PRKCA: variants seen among roughly 807,000 people sequenced by gnomAD.
The protein encoded by PRKCA is protein kinase C alpha.
PRKCA carries 27 observed loss-of-function variants against 87.0 expected under a neutral mutation model. The observed-to-expected ratio is 0.31, with a 90% CI of 0.23 to 0.43. PRKCA has a LOEUF of 0.43. PRKCA is among the 20% of genes least tolerant of loss of function. The probability of loss-of-function intolerance (pLI) is 1.00; values close to 1 mark genes in which losing one functional copy is unlikely to be tolerated. For synonymous variants in PRKCA, 329 were observed against 311.1 expected (o/e 1.06, Z -0.61); for missense variants, 518 against 852.3 (o/e 0.61, Z 4.88).
chr17:66,389,049 C>A (rs1282617233), intron 2 of PRKCA, among the ~76,000 whole-genome samples: 1 of 152,134 alleles, frequency 6.6e-6, no homozygotes, highest in Non-Finnish European at 1.5e-5. Context: ...ATGGGAACAT[C>A]GTGATTCTGT....
rs571685581 is a variant in PRKCA, at chr17:66,779,594, G to A, written c.1605+5527G>A. Among the ~76,000 whole-genome samples, 12 of 152,216 alleles carry A rather than the reference G, an allele frequency of 7.9e-5. No individual in the cohort carries two copies. The South Asian group carries it at 1.2e-3, about 16-fold the overall frequency. On this transcript the variant is annotated intron_variant, in intron 14 of 16. Transcript: ENST00000413366. ...AGGTTTCCGTGATTTGCAAATAAGCGTGGCCTCCATGACCACTTCCTAGCT... is the reference window on the plus strand; with the variant it reads ...AGGTTTCCGTGATTTGCAAATAAGCATGGCCTCCATGACCACTTCCTAGCT...
intron 13 of PRKCA, among the ~76,000 whole-genome samples, chr17:66,744,344 A>G (rs1299829553): frequency 6.6e-6 from 1 of 152,230 alleles, no homozygotes; most frequent in African/African-American, 2.4e-5. Context: ...TTTATTCTGA[A>G]GCCTGTTACT....
At chr17:66,473,816 C>G (rs562430470) in intron 2 of PRKCA, among the ~76,000 whole-genome samples, 1 of 152,110 alleles carries the variant, frequency 6.6e-6, no homozygotes, top group Non-Finnish European at 1.5e-5. Flanking sequence ...TGCCTGTAAT[C>G]CTAGCTACTC....
intron 2 of PRKCA, among the ~76,000 whole-genome samples, chr17:66,373,100 C>T (rs1356608555): frequency 2.0e-5 from 3 of 151,938 alleles, no homozygotes; most frequent in Non-Finnish European, 4.4e-5. Flanking sequence ...ATTTATGGCT[C>T]ACATGCATAA....
intron 2 of PRKCA, among the ~76,000 whole-genome samples, chr17:66,489,234 C>A (rs1916111735): frequency 6.6e-6 from 1 of 151,574 alleles, no homozygotes; most frequent in Non-Finnish European, 1.5e-5. Flanking sequence ...TAGGGAATTT[C>A]TATGCCTGTG....
rs561008011 is a variant in PRKCA at position 66,484,701 on chromosome 17, A to G, written c.206-11500A>G. ...TATCTGGAAAAGCAGAGAGAATAGT[A>G]TAATAAAAACCATATACTCTTCTTG... is the stretch of plus-strand genomic sequence containing the variant. On this transcript the variant is annotated intron_variant, in intron 2 of 16. Coordinates refer to ENST00000413366, the MANE Select transcript of PRKCA (RefSeq NM_002737.3). Among the ~76,000 whole-genome samples the G allele has an allele frequency of 3.0e-4, 45 of 152,346 alleles. No homozygotes were observed. In the South Asian group the frequency reaches 3.7e-3, roughly 13 times the overall value.
intron 3 of PRKCA, among the ~76,000 whole-genome samples, chr17:66,564,453 G>A (rs960706899): frequency 1.3e-5 from 2 of 152,098 alleles, no homozygotes; most frequent in Non-Finnish European, 2.9e-5. Flanking sequence ...CTGTTGGGTG[G>A]TGCTTCTGGG....
At chr17:66,510,392 C>T (rs1917172362) in intron 3 of PRKCA, among the ~76,000 whole-genome samples, 1 of 152,146 alleles carries the variant, frequency 6.6e-6, no homozygotes, top group African/African-American at 2.4e-5. Context: ...ATCTCTTAAC[C>T]TCATGAGCAT....
chr17:66,386,623 T>A (rs140545598), intron 2 of PRKCA, among the ~76,000 whole-genome samples: 84 of 152,334 alleles, frequency 5.5e-4, no homozygotes, highest in African/African-American at 2.0e-3. Flanking sequence ...TGGCTGCCTG[T>A]GCCTTTGCAC....
intron 15 of PRKCA, 179 bp downstream of exon 15, chr17:66,787,153 C>T (rs781187722): frequency 1.3e-6 from 1 of 771,720 alleles, no homozygotes; most frequent in South Asian, 1.4e-5. Context: ...CAACTTTGGA[C>T]AGCATGGATT....
At chr17:66,524,929 A>G (rs1281363221) in intron 3 of PRKCA, among the ~76,000 whole-genome samples, 1 of 152,238 alleles carries the variant, frequency 6.6e-6, no homozygotes, top group Non-Finnish European at 1.5e-5. Flanking sequence ...TATATTGCAA[A>G]GAATAGCCAC....
intron 2 of PRKCA, among the ~76,000 whole-genome samples, chr17:66,476,201 A>G (rs561167913): frequency 6.6e-6 from 1 of 152,004 alleles, no homozygotes; most frequent in Non-Finnish European, 1.5e-5. Flanking sequence ...TGCCCAGCCA[A>G]TTTTCTTCTA....
At chr17:66,793,318 G>C (rs893733223) in intron 16 of PRKCA, among the ~76,000 whole-genome samples, 3 of 152,084 alleles carry the variant, frequency 2.0e-5, no homozygotes, top group African/African-American at 7.2e-5. Flanking sequence ...GGCCAGGCGT[G>C]GTGGCTCACG....
intron 3 of PRKCA, among the ~76,000 whole-genome samples, chr17:66,622,823 C>T (rs1970726362): frequency 6.6e-6 from 1 of 152,242 alleles, no homozygotes; most frequent in Non-Finnish European, 1.5e-5. Flanking sequence ...ACCATCAGAT[C>T]TTGTGAGACT....
intron 2 of PRKCA, among the ~76,000 whole-genome samples, chr17:66,317,720 C>T (rs1344062316): frequency 6.6e-6 from 1 of 152,126 alleles, no homozygotes; most frequent in African/African-American, 2.4e-5. Context: ...GAAAGCTTGG[C>T]TCACAGTTGT....
rs570955369 is a variant in PRKCA, at chr17:66,775,093, G to A, written c.1605+1026G>A. On this transcript the variant is annotated intron_variant, in intron 14 of 16. Transcript: ENST00000413366. ...TCTAGGCTGAAATTAGGAGGAATTAGTGGAGAAATCTGAGACCCTACAAGA... is the reference window on the plus strand; with the variant it reads ...TCTAGGCTGAAATTAGGAGGAATTAATGGAGAAATCTGAGACCCTACAAGA... 150 of 985,458 alleles carry A rather than the reference G, an allele frequency of 1.5e-4. No individual in the cohort carries two copies. In the African/African-American group the frequency reaches 2.5e-3, roughly 16 times the overall value. The allele number at this position is 985,458 out of a possible 1,614,324, so 61.0% of individuals were successfully genotyped here. A position where few individuals can be genotyped will look rare whatever the true frequency, so the allele number is the denominator to read the frequency against.
At chr17:66,543,770 G>C (rs896522097) in intron 3 of PRKCA, among the ~76,000 whole-genome samples, 1 of 152,186 alleles carries the variant, frequency 6.6e-6, no homozygotes, top group Non-Finnish European at 1.5e-5. Flanking sequence ...CTACACCATA[G>C]AAAAGGCTAC....
intron 2 of PRKCA, among the ~76,000 whole-genome samples, chr17:66,425,765 A>G (rs1399565434): frequency 6.6e-6 from 1 of 152,074 alleles, no homozygotes; most frequent in Non-Finnish European, 1.5e-5. Flanking sequence ...CCTTTCAAGA[A>G]CTCTAAGGTA....
Position 66,415,407 on chromosome 17 carries a change from G to C in PRKCA, c.206-80794G>C, listed in dbSNP as rs115312634. ...GTAATTTTCAAAGTGATCAGTGAGG[G>C]ATTAGAAGCTTGCTGTAAAGTGGCA... On this transcript the variant is annotated intron_variant, in intron 2 of 16. Coordinates refer to ENST00000413366, the MANE Select transcript of PRKCA (RefSeq NM_002737.3). 317 of 152,280 alleles carry C rather than the reference G, an allele frequency of 2.1e-3. 3 individuals carry two copies. Among genetic ancestry groups the C allele is most frequent in the African/African-American group, 7.3e-3 (303 of 41,568 alleles). The allele number at this position is 152,280 out of a possible 1,614,324, so 9.4% of individuals were successfully genotyped here.
Sources: allele counts gnomAD v4.1 joint callset (sites outside exome capture counted in the v4.1 genomes callset), GRCh38; gene constraint gnomAD v4.1.1; transcripts MANE v1.5; gene names NCBI Gene and HGNC (gene_info 2026-07-23, HGNC 2026-07-21).